CADM1: variants seen among roughly 807,000 people sequenced by gnomAD.
CADM1 encodes TSLC-1.
Under a neutral mutation model 53.1 loss-of-function variants are expected in CADM1, and 15 were observed. That is an observed-to-expected ratio of 0.28 (90% CI 0.19 to 0.44). The LOEUF (loss-of-function observed/expected upper bound fraction) is 0.44, where lower values mean the gene tolerates loss of function less well. Among genes scored for constraint, CADM1 ranks in the 20% least tolerant of loss-of-function variants. CADM1 has a pLI of 1.00. For synonymous variants in CADM1, 281 were observed against 243.0 expected (o/e 1.16, Z -1.45); for missense variants, 434 against 611.3 (o/e 0.71, Z 3.06).
intron 1 of CADM1, chr11:115,397,644 T>A (rs1346532743): frequency 6.6e-6 from 1 of 152,128 alleles, no homozygotes; most frequent in Non-Finnish European, 1.5e-5. Context: ...AGCATAAAAG[T>A]CAAACTTGAA....
At chr11:115,398,152 G>A (rs988788896) in intron 1 of CADM1, among the ~76,000 whole-genome samples, 3 of 152,164 alleles carry the variant, frequency 2.0e-5, no homozygotes, top group Non-Finnish European at 4.4e-5. Flanking sequence ...GCATTCAATG[G>A]CAGTGGCACA....
At chr11:115,201,147 C>T (rs562331823) in intron 8 of CADM1, among the ~76,000 whole-genome samples, 1 of 152,258 alleles carries the variant, frequency 6.6e-6, no homozygotes, top group South Asian at 2.1e-4. Flanking sequence ...AACACATGTT[C>T]AAGTCACACA....
chr11:115,357,278 A>G (rs10891839), intron 1 of CADM1, among the ~76,000 whole-genome samples: 95,854 of 152,030 alleles, frequency 0.63, 30,402 homozygotes, highest in South Asian at 0.68. Context: ...CGTGTAGGAA[A>G]ACAACGCTGC....
intron 1 of CADM1, among the ~76,000 whole-genome samples, chr11:115,280,146 A>C (rs540591433): frequency 2.6e-4 from 39 of 152,210 alleles, no homozygotes; most frequent in Non-Finnish European, 4.9e-4. Context: ...TCTGTGTTTC[A>C]AAAGTTATAA....
At chr11:115,288,366 GT>G (rs1943788063) in intron 1 of CADM1, among the ~76,000 whole-genome samples, 1 of 151,998 alleles carries the variant, frequency 6.6e-6, no homozygotes. Context: ...GAACGACAGG[GT>G]TTTGTTACTT....
intron 1 of CADM1, among the ~76,000 whole-genome samples, chr11:115,489,553 A>G (rs1565452348): frequency 6.6e-6 from 1 of 152,238 alleles, no homozygotes; most frequent in Non-Finnish European, 1.5e-5. Flanking sequence ...GAAATTATGT[A>G]AGACTTAAAA....
At chr11:115,346,761 A>G (rs1266376869) in intron 1 of CADM1, among the ~76,000 whole-genome samples, 2 of 152,070 alleles carry the variant, frequency 1.3e-5, no homozygotes, top group Non-Finnish European at 2.9e-5. Flanking sequence ...CACACCTTAT[A>G]TGGGCTTGCC....
intron 1 of CADM1, among the ~76,000 whole-genome samples, chr11:115,339,180 A>G (rs1214900242): frequency 6.6e-6 from 1 of 151,760 alleles, no homozygotes; most frequent in Non-Finnish European, 1.5e-5. Flanking sequence ...TTTACTGAGA[A>G]TGATGGTTTC....
chr11:115,382,830 T>A (rs750407474), intron 1 of CADM1, among the ~76,000 whole-genome samples: 2 of 152,110 alleles, frequency 1.3e-5, no homozygotes, highest in Non-Finnish European at 2.9e-5. Flanking sequence ...GCAAGTATCA[T>A]CCTTAGAGAT....
At chr11:115,309,581 T>C (rs1481100372) in intron 1 of CADM1, among the ~76,000 whole-genome samples, 1 of 152,130 alleles carries the variant, frequency 6.6e-6, no homozygotes, top group Non-Finnish European at 1.5e-5. Context: ...GTATCTGTTT[T>C]TATGTTATGT....
chr11:115,328,912 CATTTT>C (rs1177686953), intron 1 of CADM1, among the ~76,000 whole-genome samples: 1 of 149,142 alleles, frequency 6.7e-6, no homozygotes, highest in African/African-American at 2.5e-5. Context: ...GAGATTATGG[CATTTT>C]ATTTGATTCT....
intron 1 of CADM1, among the ~76,000 whole-genome samples, chr11:115,459,572 C>G (rs1948751568): frequency 1.3e-5 from 2 of 152,120 alleles, no homozygotes; most frequent in Non-Finnish European, 2.9e-5. Flanking sequence ...AGAGAGCATA[C>G]TCTGAGCAAA....
chr11:115,203,356 G>A (rs1185658825), intron 8 of CADM1, among the ~76,000 whole-genome samples: 1 of 152,124 alleles, frequency 6.6e-6, no homozygotes, highest in Non-Finnish European at 1.5e-5. Flanking sequence ...ACAGAAAAGA[G>A]GAAGGCAGAG....
chr11:115,461,114 AAC>A (rs149383269), intron 1 of CADM1, among the ~76,000 whole-genome samples: 5,884 of 150,644 alleles, frequency 0.039, 258 homozygotes, highest in East Asian at 0.085. Flanking sequence ...TGGAAATGGA[AAC>A]ACACACACAC....
At chr11:115,226,654 T>C (rs545339194) in intron 5 of CADM1, among the ~76,000 whole-genome samples, 1 of 152,294 alleles carries the variant, frequency 6.6e-6, no homozygotes, top group East Asian at 1.9e-4. Flanking sequence ...GTGCTACTTG[T>C]CTGCAGAGAG....
intron 10 of CADM1, among the ~76,000 whole-genome samples, chr11:115,185,074 C>T (rs188094334): frequency 1.6e-4 from 24 of 152,338 alleles, no homozygotes; most frequent in Admixed American, 1.5e-3. Flanking sequence ...AGTACAATTA[C>T]GTACTTCACA....
chr11:115,261,641 TTTTG>T (rs1942977057), intron 1 of CADM1, among the ~76,000 whole-genome samples: 5 of 152,198 alleles, frequency 3.3e-5, no homozygotes, highest in Admixed American at 3.3e-4. Context: ...ACTGTCTCCT[TTTTG>T]TTTTATATTT....
In CADM1 at chr11:115,172,526, C is replaced by G. The variant is rs977567676; in HGVS notation, c.*3948G>C. On this transcript the variant is annotated 3_prime_UTR_variant, in exon 12 of 12. Transcript: ENST00000331581. ...CTGTCTAGGGACTCACCAGCCTTCA[C>G]TGATTACCCTTCTCCAGAAAATTCT... is the stretch of plus-strand genomic sequence containing the variant. 1 of 152,232 alleles carries G rather than the reference C, an allele frequency of 6.6e-6. No homozygotes were observed. The highest frequency in any genetic ancestry group is 1.5e-5 in the Non-Finnish European group (1 of 68,090). The allele number at this position is 152,232 out of a possible 1,614,324, so 9.4% of individuals were successfully genotyped here. A position where few individuals can be genotyped will look rare whatever the true frequency, so the allele number is the denominator to read the frequency against.
intron 8 of CADM1, among the ~76,000 whole-genome samples, chr11:115,207,838 G>T (rs559099251): frequency 6.6e-6 from 1 of 152,126 alleles, no homozygotes; most frequent in Admixed American, 6.6e-5. Flanking sequence ...TATATGTAGG[G>T]CAATGGAGAA....
Sources: allele counts gnomAD v4.1 joint callset (sites outside exome capture counted in the v4.1 genomes callset), GRCh38; gene constraint gnomAD v4.1.1; transcripts MANE v1.5; gene names NCBI Gene and HGNC (gene_info 2026-07-23, HGNC 2026-07-21).